KMT2A: variants seen among roughly 807,000 people sequenced by gnomAD.
The protein encoded by KMT2A is lysine methyltransferase 2A.
Under a neutral mutation model 345.3 loss-of-function variants are expected in KMT2A, and 16 were observed. That is an observed-to-expected ratio of 0.05 (90% CI 0.03 to 0.07). The LOEUF (loss-of-function observed/expected upper bound fraction) is 0.07, where lower values mean the gene tolerates loss of function less well. Ranked by LOEUF, KMT2A falls within the 10% of genes least tolerant of loss-of-function variation. The pLI, the probability that KMT2A is intolerant of heterozygous loss-of-function variation, is 1.00. For missense variants in KMT2A, 3,272 were observed against 4,841.6 expected (o/e 0.68, Z 9.62); for synonymous variants, 1,599 against 1,778.6 (o/e 0.90, Z 2.54).
At position 118,506,177 on chromosome 11, in the gene KMT2A, A is replaced by G; in HGVS notation, c.10285A>G (p.Ile3429Val). The G allele has an allele frequency of 1.2e-6, 2 of 1,614,168 alleles. No individual in the cohort carries two copies. The highest frequency in any genetic ancestry group is 1.7e-6 in the Non-Finnish European group (2 of 1,180,014). ...TGCTGCAATAACAGCGGCATCTAGC[A>G]TCTGTGTGCTCCCCTCCACTCAGAC... ...STAAITAASSICVLPSTQTTG... is the reference protein window; with the variant it reads ...STAAITAASSVCVLPSTQTTG... Residue 3429 changes from isoleucine to valine, a missense_variant, in exon 27 of 36, where the codon ATC becomes GTC. Coordinates refer to ENST00000534358, the MANE Select transcript of KMT2A (RefSeq NM_001197104.2).
chr11:118,520,277 T>C lies in KMT2A; in HGVS notation c.11429+213T>C. 1.8e-6 allele frequency: 1 copy of C among 552,342 alleles called. No homozygotes were observed. Among genetic ancestry groups the C allele is most frequent in the East Asian group, 3.0e-5 (1 of 32,994 alleles). The allele number at this position is 552,342 out of a possible 1,614,324, so 34.2% of individuals were successfully genotyped here. On this transcript the variant is annotated intron_variant, in intron 33 of 35. Transcript: ENST00000534358. The surrounding 1 kb of genome is among the most constrained non-coding windows in gnomAD (Gnocchi z 4.3). ...ATTCAAAGAACTGTAAGATGCCTGTTTTCTTTAATGATAGTATACTCTGTC... is the reference window on the plus strand; with the variant it reads ...ATTCAAAGAACTGTAAGATGCCTGTCTTCTTTAATGATAGTATACTCTGTC...
chr11:118,518,600 G>A (rs1421373184), intron 31 of KMT2A, among the ~76,000 whole-genome samples: 1 of 152,010 alleles, frequency 6.6e-6, no homozygotes, highest in Non-Finnish European at 1.5e-5. Context: ...GGCCAATATG[G>A]TGAAACCTTG....
At chr11:118,437,176 C>A (rs756454275) in intron 1 of KMT2A, among the ~76,000 whole-genome samples, 1 of 151,226 alleles carries the variant, frequency 6.6e-6, no homozygotes, top group Non-Finnish European at 1.5e-5. Flanking sequence ...CCGCTCTCCT[C>A]CCCCTGACCC....
chr11:118,460,588 C>G (rs1203537259), intron 1 of KMT2A, among the ~76,000 whole-genome samples: 6 of 152,254 alleles, frequency 3.9e-5, no homozygotes, highest in Admixed American at 3.9e-4. Flanking sequence ...CCACACCCAG[C>G]CTTCAAGAGT....
At chr11:118,469,775 TGTGCTAGCATTA>T (rs1161799372) in intron 2 of KMT2A, among the ~76,000 whole-genome samples, 3 of 152,256 alleles carry the variant, frequency 2.0e-5, no homozygotes, top group African/African-American at 7.2e-5. Flanking sequence ...GCTTGTGATG[TGTGCTAGCATTA>T]GGGTCTCACT....
chr11:118,504,847 T>A lies in KMT2A; in HGVS notation c.8955T>A (p.Asp2985Glu). The A allele has an allele frequency of 1.2e-6, 2 of 1,614,018 alleles. No homozygotes were observed. Among genetic ancestry groups the A allele is most frequent in the Non-Finnish European group, 1.7e-6 (2 of 1,179,924 alleles). Reference protein sequence around the residue: ...SDPALLSPGVDPTPEGHMTPD... With the variant: ...SDPALLSPGVEPTPEGHMTPD... ...CAGCACTGCTGAGCCCAGGAGTAGA[T>A]CCAACTCCTGAAGGCCACATGACTC... Residue 2985 changes from aspartate (D) to glutamate (E), a missense_variant, in exon 27 of 36, where the codon GAT becomes GAA. Asp to Glu is a conservative substitution (Grantham distance 45). Coordinates refer to ENST00000534358, the MANE Select transcript of KMT2A (RefSeq NM_001197104.2). The surrounding 1 kb of genome is among the most constrained non-coding windows in gnomAD (Gnocchi z 6.4).
At chr11:118,467,207 T>C (rs1481677031) in intron 1 of KMT2A, among the ~76,000 whole-genome samples, 2 of 151,886 alleles carry the variant, frequency 1.3e-5, no homozygotes, top group Non-Finnish European at 2.9e-5. Context: ...TAAAACCCTG[T>C]CTCTACTAAA....
rs1456468250 is a variant in KMT2A at position 118,483,257 on chromosome 11, G to A, written c.4086+762G>A. On this transcript the variant is annotated intron_variant, in intron 8 of 35. Coordinates refer to ENST00000534358, the MANE Select transcript of KMT2A (RefSeq NM_001197104.2). ...CAAAAAAAAAAAAAAAAGTAGCCGG[G>A]CACGGTGGCTCACGCCTGTAATCCC... Among the ~76,000 whole-genome samples, 3 of 151,034 alleles carry A rather than the reference G, an allele frequency of 2.0e-5. No homozygotes were observed. In the East Asian group the frequency reaches 5.8e-4, roughly 29 times the overall value.
chr11:118,492,268 G>A (rs1268810900), intron 15 of KMT2A, among the ~76,000 whole-genome samples: 1 of 152,230 alleles, frequency 6.6e-6, no homozygotes, highest in Non-Finnish European at 1.5e-5. Flanking sequence ...AAGGACTGGA[G>A]ACACCTGAGC....
rs190935037 is a variant in KMT2A, at chr11:118,519,147, A to G, written c.11147-471A>G. Reference sequence around the variant, plus strand: ...ATCTGGGGGAACATAAGCTTATAGAACCTAGATAATCCATTCCTAGATGGA... The same window carrying G: ...ATCTGGGGGAACATAAGCTTATAGAGCCTAGATAATCCATTCCTAGATGGA... On this transcript the variant is annotated intron_variant, in intron 31 of 35. Transcript: ENST00000534358. Among the ~76,000 whole-genome samples the G allele has an allele frequency of 1.4e-3, 218 of 151,952 alleles. 1 individual carries two copies. The highest frequency in any genetic ancestry group is 5.0e-3 in the African/African-American group (207 of 41,414).
In KMT2A at chr11:118,515,783, G is replaced by A. The variant is rs7931377; in HGVS notation, c.11146+3758G>A. Among the ~76,000 whole-genome samples the A allele has an allele frequency of 1.7e-3, 250 of 149,348 alleles. 1 individual carries two copies. The highest frequency in any genetic ancestry group is 5.9e-3 in the African/African-American group (237 of 40,394). The stretch of plus-strand genomic sequence containing the variant: ...GGCTCACTGCAACCTCCGCCTCCCG[G>A]GTTCAAGCAATACTCCTGCCTCAGC... On this transcript the variant is annotated intron_variant, in intron 31 of 35. Transcript: ENST00000534358.
At chr11:118,518,478 C>T (rs1950873639) in intron 31 of KMT2A, among the ~76,000 whole-genome samples, 1 of 152,150 alleles carries the variant, frequency 6.6e-6, no homozygotes, top group South Asian at 2.1e-4. Context: ...ATTAACATTG[C>T]TTTTAAACTT....
chr11:118,450,090 G>T (rs934884652), intron 1 of KMT2A: 1 of 152,130 alleles, frequency 6.6e-6, no homozygotes. Context: ...TGATTGTGAT[G>T]CTTAACTTAA....
At position 118,494,551 on chromosome 11, in the gene KMT2A, G is replaced by C. The variant is rs1281511950; in HGVS notation, c.5290-143G>C. 1.2e-6 allele frequency: 1 copy of C among 846,502 alleles called. No homozygotes were observed. The highest frequency in any genetic ancestry group is 1.9e-6 in the Non-Finnish European group (1 of 531,126). 52.4% of individuals were successfully genotyped at this position (846,502 alleles called of 1,614,324 possible). Reference sequence around the variant, plus strand: ...TCCCCTGATTCTTTGAGAGGAACTTGGTGAGGTTGCCAGAGTGGATGGATC... The same window carrying C: ...TCCCCTGATTCTTTGAGAGGAACTTCGTGAGGTTGCCAGAGTGGATGGATC... On this transcript the variant is annotated intron_variant, in intron 17 of 35. Transcript: ENST00000534358. The surrounding 1 kb of genome is among the most constrained non-coding windows in gnomAD (Gnocchi z 5.8).
chr11:118,438,950 G>T, intron 1 of KMT2A: 1 of 445,650 alleles, frequency 2.2e-6, no homozygotes, highest in East Asian at 7.0e-5. Context: ...CAGTCAGCAG[G>T]GTTGTTTGAG....
In KMT2A at chr11:118,471,773, A is replaced by C. The variant is rs782504564; in HGVS notation, c.614A>C (p.Lys205Thr). 6.2e-7 allele frequency: 1 copy of C among 1,613,652 alleles called. No homozygotes were observed. Among genetic ancestry groups the C allele is most frequent in the Non-Finnish European group, 8.5e-7 (1 of 1,179,758 alleles). Residue 205 changes from lysine to threonine, a missense_variant, in exon 3 of 36, where the codon AAA becomes ACA. Lys to Thr is a moderately conservative substitution (Grantham distance 78, BLOSUM62 -1). Around this residue, in one of 27 missense-constraint regions of KMT2A, gnomAD observed 412 missense variants for 511.0 expected, o/e 0.81. Coordinates refer to ENST00000534358, the MANE Select transcript of KMT2A (RefSeq NM_001197104.2). ...VFSPLNKSETKSGDKIKKKDS... is the reference protein window; with the variant it reads ...VFSPLNKSETTSGDKIKKKDS... ...TCCCCTCTAAATAAATCAGAGACCA[A>C]ATCTGGAGATAAGATCAAGAAGAAA...
chr11:118,468,312 T>C (rs1555034618), intron 1 of KMT2A, among the ~76,000 whole-genome samples: 1 of 152,218 alleles, frequency 6.6e-6, no homozygotes, highest in African/African-American at 2.4e-5. Context: ...ACTTTCAGTC[T>C]CTATTAATAT....
intron 1 of KMT2A, chr11:118,458,136 T>C: frequency 2.7e-6 from 1 of 371,076 alleles, no homozygotes; most frequent in Admixed American, 3.0e-5. Flanking sequence ...CAGCCTGGAG[T>C]GCAGTGTCTC....
intron 1 of KMT2A, among the ~76,000 whole-genome samples, chr11:118,446,723 AC>A (rs1555027292): frequency 6.6e-6 from 1 of 152,166 alleles, no homozygotes; most frequent in African/African-American, 2.4e-5. Context: ...TGGTCTTCCC[AC>A]CTATCTTTTC....
Sources: gnomAD v4.1 joint callset for allele counts (sites outside exome capture counted in the v4.1 genomes callset) on GRCh38, gnomAD v4.1.1 for gene constraint, gnomAD v4.1.1 regional missense constraint, Gnocchi (gnomAD v3.1) non-coding constraint, MANE v1.5 for transcripts, NCBI Gene and HGNC (gene_info 2026-07-23, HGNC 2026-07-21) for gene names.